TAPT1: variants seen among roughly 807,000 people sequenced by gnomAD.
TAPT1 encodes the protein transmembrane anterior posterior transformation protein 1 homolog.
TAPT1 carries 28 observed loss-of-function variants against 65.6 expected under a neutral mutation model. The ratio of observed to expected loss-of-function variants is 0.43; its 90% CI spans 0.32 to 0.59. The LOEUF (loss-of-function observed/expected upper bound fraction) is 0.59. TAPT1 is among the 20% of genes least tolerant of loss of function. TAPT1 has a pLI of 0.09. For missense variants in TAPT1, 563 were observed against 679.9 expected, an observed-to-expected ratio of 0.83 and a Z score of 1.91; for synonymous variants, 278 against 245.2, an observed-to-expected ratio of 1.13 and a Z score of -1.25.
intron 7 of TAPT1, among the ~76,000 whole-genome samples, chr4:16,186,158 T>C (rs577436247): frequency 6.6e-6 from 1 of 152,182 alleles, no homozygotes; most frequent in African/African-American, 2.4e-5. Context: ...AGCTAAGGAC[T>C]TAGAGACAAT....
intron 1 of TAPT1, among the ~76,000 whole-genome samples, chr4:16,223,847 T>C (rs891384184): frequency 6.6e-6 from 1 of 152,182 alleles, no homozygotes; most frequent in African/African-American, 2.4e-5. Flanking sequence ...AAGTACCTAA[T>C]ATGTACATTC....
chr4:16,171,562 G>A (rs1305966626), intron 11 of TAPT1, among the ~76,000 whole-genome samples: 2 of 152,016 alleles, frequency 1.3e-5, no homozygotes, highest in African/African-American at 4.8e-5. Context: ...CATCATAATG[G>A]TACACATTTA....
intron 1 of TAPT1, among the ~76,000 whole-genome samples, chr4:16,216,369 T>C (rs1199231202): frequency 6.6e-6 from 1 of 152,214 alleles, no homozygotes; most frequent in African/African-American, 2.4e-5. Context: ...ACCTACTCTG[T>C]TTCCTACACA....
chr4:16,183,220 G>A (rs1748816532), intron 7 of TAPT1: 2 of 152,046 alleles, frequency 1.3e-5, no homozygotes, highest in African/African-American at 2.4e-5. Flanking sequence ...CTGCCTTAGG[G>A]TAAAGTTAAT....
At chr4:16,214,042 C>A (rs1040369478) in intron 1 of TAPT1, 144 bp from the exon 2 acceptor site, 8 of 556,870 alleles carry the variant, frequency 1.4e-5, no homozygotes, top group South Asian at 4.6e-5. Context: ...GAACTGCACA[C>A]AATGATCAGC....
intron 5 of TAPT1, among the ~76,000 whole-genome samples, chr4:16,187,521 C>T (rs1435796021): frequency 2.0e-5 from 3 of 152,020 alleles, no homozygotes; most frequent in Non-Finnish European, 4.4e-5. Flanking sequence ...AGATTTTACC[C>T]TCACAGGTAT....
At chr4:16,196,450 G>A (rs1034932838) in intron 3 of TAPT1, among the ~76,000 whole-genome samples, 4 of 152,186 alleles carry the variant, frequency 2.6e-5, no homozygotes, top group Non-Finnish European at 5.9e-5. Flanking sequence ...TTCATGTTAG[G>A]TGAAATCACA....
chr4:16,197,754 T>C (rs994334747), intron 3 of TAPT1, among the ~76,000 whole-genome samples: 27 of 152,220 alleles, frequency 1.8e-4, no homozygotes, highest in African/African-American at 6.5e-4. Context: ...TTCAAGAAGT[T>C]TCTCAAATGA....
chr4:16,213,066 G>T (rs566001918), intron 2 of TAPT1, among the ~76,000 whole-genome samples: 1 of 152,208 alleles, frequency 6.6e-6, no homozygotes, highest in Non-Finnish European at 1.5e-5. Flanking sequence ...CGTTACTACA[G>T]AAGTATGAAA....
intron 2 of TAPT1, among the ~76,000 whole-genome samples, chr4:16,211,683 T>C (rs1750660853): frequency 6.6e-6 from 1 of 152,214 alleles, no homozygotes; most frequent in Admixed American, 6.5e-5. Context: ...TTTTCTGACA[T>C]TATACATTTA....
At chr4:16,196,799 G>A (rs1368582547) in intron 3 of TAPT1, 3 of 748,636 alleles carry the variant, frequency 4.0e-6, no homozygotes, top group Non-Finnish European at 6.1e-6. Context: ...GTGAGGAAAC[G>A]GGACAATAAA....
chr4:16,177,819 GTT>G (rs113909054), intron 8 of TAPT1, among the ~76,000 whole-genome samples: 2,078 of 148,804 alleles, frequency 0.014, 17 homozygotes, highest in Middle Eastern at 0.035. Flanking sequence ...CACTTTGTTG[GTT>G]TTTTTTTTTA....
At chr4:16,203,207 G>GGCC (rs1016197597) in intron 2 of TAPT1, among the ~76,000 whole-genome samples, 4 of 152,122 alleles carry the variant, frequency 2.6e-5, no homozygotes. Flanking sequence ...TCGAGGACTT[G>GGCC]GCCAAGTAGC....
At chr4:16,184,426 G>C (rs988790204) in intron 7 of TAPT1, among the ~76,000 whole-genome samples, 1 of 152,090 alleles carries the variant, frequency 6.6e-6, no homozygotes, top group South Asian at 2.1e-4. Flanking sequence ...ATAGCTATTT[G>C]GGTTGTTTCC....
chr4:16,161,461 T>C lies in TAPT1; in HGVS notation c.*1847A>G, dbSNP rs551879204. The stretch of plus-strand genomic sequence containing the variant: ...AAATGACAGCGCAGTAACAGAATAA[T>C]TCAAGCGGAACTGAAGATCTATCCA... On this transcript the variant is annotated 3_prime_UTR_variant, in exon 14 of 14. Coordinates refer to ENST00000405303, the MANE Select transcript of TAPT1 (RefSeq NM_153365.3). The C allele has an allele frequency of 1.2e-4, 18 of 152,714 alleles. No homozygotes were observed. In the East Asian group the frequency reaches 3.5e-3, roughly 29 times the overall value. 9.5% of individuals were successfully genotyped at this position (152,714 alleles called of 1,614,324 possible). A position where few individuals can be genotyped will look rare whatever the true frequency, so the allele number is the denominator to read the frequency against.
intron 4 of TAPT1, among the ~76,000 whole-genome samples, chr4:16,189,127 G>C (rs1749199552): frequency 6.6e-6 from 1 of 151,894 alleles, no homozygotes; most frequent in Non-Finnish European, 1.5e-5. Context: ...ACATTTTCAG[G>C]TATCAATCTC....
In TAPT1 at chr4:16,203,736, A is replaced by G. The variant is rs193247268; in HGVS notation, c.331-1156T>C. Among the ~76,000 whole-genome samples, 24 of 152,326 alleles carry G rather than the reference A, an allele frequency of 1.6e-4. No homozygotes were observed. The East Asian group carries it at 4.4e-3, about 28-fold the overall frequency. On this transcript the variant is annotated intron_variant, in intron 2 of 13. Coordinates refer to ENST00000405303, the MANE Select transcript of TAPT1 (RefSeq NM_153365.3). ...CTTCCAGCTTCCAGAACTGCAAGAT[A>G]ATAAATGTCTGTTGTTTAAACCACC...
chr4:16,166,555 C>T (rs1051919233), intron 13 of TAPT1, 78 bp downstream of exon 13: 45 of 1,536,090 alleles, frequency 2.9e-5, no homozygotes, highest in African/African-American at 4.1e-5. Context: ...ATCTTTAAAG[C>T]GTTGCTTAAC....
chr4:16,182,545 A>C (rs1748770765), intron 7 of TAPT1, among the ~76,000 whole-genome samples: 1 of 152,258 alleles, frequency 6.6e-6, no homozygotes, highest in South Asian at 2.1e-4. Context: ...CACATTTTAA[A>C]TATAAAATGA....
Sources: allele counts gnomAD v4.1 joint callset (sites outside exome capture counted in the v4.1 genomes callset), GRCh38; gene constraint gnomAD v4.1.1; transcripts MANE v1.5; gene names NCBI Gene and HGNC (gene_info 2026-07-23, HGNC 2026-07-21).